Variants in CTNNA2 observed in about 807,000 individuals in gnomAD.
CTNNA2 encodes the protein catenin alpha 2, also known as catenin alpha-2.
In CTNNA2, 42 loss-of-function variants were observed where a neutral mutation model predicts 101.0. The observed-to-expected ratio is 0.42, with a 90% CI of 0.32 to 0.54. CTNNA2 has a LOEUF of 0.54. Among genes scored for constraint, CTNNA2 ranks in the 20% least tolerant of loss-of-function variants. CTNNA2 has a pLI of 0.14. For synonymous variants in CTNNA2, 450 were observed against 456.4 expected (o/e 0.99, Z 0.18); for missense variants, 871 against 1,223.1 (o/e 0.71, Z 4.29).
In CTNNA2 at chr2:80,574,357, G is replaced by T. The variant is rs771181220; in HGVS notation, c.1893+43G>T. ...AGCTCAGAGCTGGTCAGATCTCCTA[G>T]TAGGAAACTAAAGAGCTAACTGTCT... On this transcript the variant is annotated intron_variant, in intron 13 of 18. Transcript: ENST00000402739. 3 of 1,512,976 alleles carry T rather than the reference G, an allele frequency of 2.0e-6. No homozygotes were observed. The African/African-American group carries it at 4.2e-5, about 21-fold the overall frequency. The allele number at this position is 1,512,976 out of a possible 1,614,324, so 93.7% of individuals were successfully genotyped here. A position where few individuals can be genotyped will look rare whatever the true frequency, so the allele number is the denominator to read the frequency against.
intron 7 of CTNNA2, among the ~76,000 whole-genome samples, chr2:79,932,809 T>A (rs1337031894): frequency 6.6e-6 from 1 of 152,182 alleles, no homozygotes; most frequent in Non-Finnish European, 1.5e-5. Context: ...CCACCCCATC[T>A]TCTTCCTTGC....
chr2:80,179,633 A>G lies in CTNNA2; in HGVS notation c.1057-213578A>G, dbSNP rs186543530. On this transcript the variant is annotated intron_variant, in intron 7 of 18. Coordinates refer to ENST00000402739, the MANE Select transcript of CTNNA2 (RefSeq NM_001282597.3). The stretch of plus-strand genomic sequence containing the variant: ...CGTGATCCGCCCACGACAGCCTCCC[A>G]AAATGCTGGGATTACAGGTGTGAGC... Among the ~76,000 whole-genome samples the G allele has an allele frequency of 1.2e-4, 19 of 152,272 alleles. No individual in the cohort carries two copies. The East Asian group carries it at 3.7e-3, about 30-fold the overall frequency.
At chr2:80,184,064 TATA>T (rs146921769) in intron 7 of CTNNA2, among the ~76,000 whole-genome samples, 5,541 of 151,030 alleles carry the variant, frequency 0.037, 98 homozygotes, top group African/African-American at 0.043. Flanking sequence ...CATTGTAGGC[TATA>T]ATAATAATAA....
At chr2:80,163,469 A>G (rs901468546) in intron 7 of CTNNA2, among the ~76,000 whole-genome samples, 2 of 152,036 alleles carry the variant, frequency 1.3e-5, no homozygotes, top group South Asian at 2.1e-4. Flanking sequence ...CAGAGAACAC[A>G]TTTTGTATGA....
intron 7 of CTNNA2, among the ~76,000 whole-genome samples, chr2:80,242,562 T>C (rs978365955): frequency 2.0e-5 from 3 of 152,308 alleles, no homozygotes; most frequent in East Asian, 3.9e-4. Flanking sequence ...TGGCTTTCCT[T>C]GTGGTACTGT....
At chr2:79,596,076 A>G (rs1677172011) in intron 1 of CTNNA2, among the ~76,000 whole-genome samples, 1 of 151,670 alleles carries the variant, frequency 6.6e-6, no homozygotes, top group African/African-American at 2.4e-5. Context: ...GCTTTTCACA[A>G]TCATTCATGA....
chr2:79,546,992 A>G (rs1218782991), intron 1 of CTNNA2, among the ~76,000 whole-genome samples: 1 of 151,666 alleles, frequency 6.6e-6, no homozygotes, highest in Admixed American at 6.6e-5. Context: ...TTGTGAAAAG[A>G]ACGCTTGATG....
intron 2 of CTNNA2, among the ~76,000 whole-genome samples, chr2:79,700,420 C>G (rs1351986075): frequency 6.6e-6 from 1 of 152,010 alleles, no homozygotes; most frequent in Non-Finnish European, 1.5e-5. Flanking sequence ...ATGGAGGTGC[C>G]AAGAGAGTCA....
chr2:80,631,743 TTGATAAA>T (rs1672318473), intron 18 of CTNNA2, among the ~76,000 whole-genome samples: 1 of 152,170 alleles, frequency 6.6e-6, no homozygotes, highest in African/African-American at 2.4e-5. Context: ...CTGTGGTATA[TTGATAAA>T]TGCACTATAC....
intron 18 of CTNNA2, among the ~76,000 whole-genome samples, chr2:80,621,261 T>A (rs1036785453): frequency 6.6e-6 from 1 of 151,940 alleles, no homozygotes; most frequent in African/African-American, 2.4e-5. Context: ...GGTATATTAT[T>A]GAAGAAATGG....
At chr2:80,128,608 A>G (rs1189766727) in intron 7 of CTNNA2, among the ~76,000 whole-genome samples, 3 of 152,186 alleles carry the variant, frequency 2.0e-5, no homozygotes, top group South Asian at 4.1e-4. Flanking sequence ...TACCCAAAAA[A>G]CAGTGCCAAT....
intron 4 of CTNNA2, chr2:79,499,025 G>A (rs1671289004): frequency 6.6e-6 from 1 of 152,182 alleles, no homozygotes; most frequent in South Asian, 2.1e-4. Flanking sequence ...CTGACATCCT[G>A]ATTCTTTCCA....
intron 18 of CTNNA2, among the ~76,000 whole-genome samples, chr2:80,636,665 G>A (rs1335950523): frequency 1.3e-5 from 2 of 152,042 alleles, no homozygotes; most frequent in East Asian, 1.9e-4. Context: ...GGGAATTTAA[G>A]GTCCTTGAAG....
chr2:80,226,475 CACTG>C, intron 7 of CTNNA2, among the ~76,000 whole-genome samples: 1 of 152,330 alleles, frequency 6.6e-6, no homozygotes, highest in South Asian at 2.1e-4. Flanking sequence ...CTTAGAGTGT[CACTG>C]ACAATTTGTG....
chr2:79,215,602 T>C (rs1674244626), intron 2 of CTNNA2, among the ~76,000 whole-genome samples: 2 of 152,112 alleles, frequency 1.3e-5, no homozygotes, highest in South Asian at 2.1e-4. Flanking sequence ...GGCTGTAAAG[T>C]GTCTCAGGGT....
chr2:80,516,618 A>C (rs1299223658), intron 9 of CTNNA2, among the ~76,000 whole-genome samples: 3 of 152,208 alleles, frequency 2.0e-5, no homozygotes, highest in South Asian at 4.1e-4. Context: ...GAACTTTTTT[A>C]GTGTTAAGCA....
chr2:80,148,997 G>T (rs959360194), intron 7 of CTNNA2, among the ~76,000 whole-genome samples: 6 of 148,696 alleles, frequency 4.0e-5, no homozygotes, highest in African/African-American at 1.5e-4. Context: ...ACTCAGAAAA[G>T]CTTCAACCTT....
intron 2 of CTNNA2, among the ~76,000 whole-genome samples, chr2:79,218,371 C>T (rs1475928535): frequency 1.0e-5 from 1 of 100,070 alleles, no homozygotes; most frequent in Non-Finnish European, 2.2e-5. Flanking sequence ...TTTTTAGAGA[C>T]AGGATCTTGC....
intron 7 of CTNNA2, among the ~76,000 whole-genome samples, chr2:80,335,205 A>G (rs1470335969): frequency 6.6e-6 from 1 of 152,204 alleles, no homozygotes; most frequent in Non-Finnish European, 1.5e-5. Flanking sequence ...TGCCACCTGG[A>G]AAGGATGTGG....
Sources: allele counts gnomAD v4.1 joint callset (sites outside exome capture counted in the v4.1 genomes callset), GRCh38; gene constraint gnomAD v4.1.1; transcripts MANE v1.5; gene names NCBI Gene and HGNC (gene_info 2026-07-23, HGNC 2026-07-21).